Variants in ZFPM2 observed in about 807,000 individuals in gnomAD.
ZFPM2 encodes zinc finger protein ZFPM2.
ZFPM2 carries 20 observed loss-of-function variants against 98.6 expected under a neutral mutation model. The observed-to-expected ratio is 0.20, with a 90% CI of 0.14 to 0.29. ZFPM2 has a LOEUF of 0.29. Ranked by LOEUF, ZFPM2 falls within the 10% of genes least tolerant of loss-of-function variation. The pLI, the probability that ZFPM2 is intolerant of heterozygous loss-of-function variation, is 1.00. For synonymous variants in ZFPM2, 518 were observed against 502.7 expected (o/e 1.03, Z -0.41); for missense variants, 1,310 against 1,388.6 (o/e 0.94, Z 0.90).
At chr8:105,704,906 C>A (rs145448338) in intron 5 of ZFPM2, among the ~76,000 whole-genome samples, 1 of 152,286 alleles carries the variant, frequency 6.6e-6, no homozygotes, top group African/African-American at 2.4e-5. Context: ...AAGTTAAATT[C>A]TCCTCTAGTC....
At chr8:105,538,882 G>C (rs1260026346) in intron 3 of ZFPM2, among the ~76,000 whole-genome samples, 1 of 152,088 alleles carries the variant, frequency 6.6e-6, no homozygotes, top group African/African-American at 2.4e-5. Flanking sequence ...AGGTATGCTA[G>C]TGAGCACCTG....
chr8:105,371,236 T>C (rs189865037), intron 1 of ZFPM2, among the ~76,000 whole-genome samples: 19 of 152,282 alleles, frequency 1.2e-4, no homozygotes, highest in African/African-American at 4.3e-4. Context: ...AACAAAATTG[T>C]ATAACGAGGA....
chr8:105,742,330 A>C (rs770948253), intron 5 of ZFPM2, among the ~76,000 whole-genome samples: 7 of 149,918 alleles, frequency 4.7e-5, no homozygotes, highest in Non-Finnish European at 1.0e-4. Context: ...CTGAACTATG[A>C]TCATACCATT....
intron 4 of ZFPM2, among the ~76,000 whole-genome samples, chr8:105,622,137 AAAAT>A (rs899609464): frequency 8.5e-5 from 13 of 152,134 alleles, no homozygotes; most frequent in African/African-American, 3.1e-4. Flanking sequence ...TTATCTGGCA[AAAAT>A]AAATAAATAA....
intron 4 of ZFPM2, among the ~76,000 whole-genome samples, chr8:105,574,311 GA>G (rs1815417370): frequency 6.6e-6 from 1 of 152,172 alleles, no homozygotes; most frequent in Non-Finnish European, 1.5e-5. Flanking sequence ...CACCATAGAG[GA>G]AAAACACATA....
At chr8:105,588,587 T>A (rs1210490051) in intron 4 of ZFPM2, among the ~76,000 whole-genome samples, 1 of 152,232 alleles carries the variant, frequency 6.6e-6, no homozygotes, top group Non-Finnish European at 1.5e-5. Context: ...GAGCCACTGC[T>A]CTGTGGGGTA....
intron 3 of ZFPM2, among the ~76,000 whole-genome samples, chr8:105,465,153 G>A (rs1291161985): frequency 6.6e-6 from 1 of 151,834 alleles, no homozygotes; most frequent in Non-Finnish European, 1.5e-5. Context: ...AAAAATTGTG[G>A]AAGATACATT....
At chr8:105,394,791 G>A (rs768080679) in intron 1 of ZFPM2, among the ~76,000 whole-genome samples, 11 of 152,102 alleles carry the variant, frequency 7.2e-5, no homozygotes, top group Non-Finnish European at 1.6e-4. Flanking sequence ...TAAAGGGTGC[G>A]TCATTAAATG....
chr8:105,403,992 A>AAACAACAACAACAACAAC (rs58138715), intron 1 of ZFPM2, among the ~76,000 whole-genome samples: 3 of 147,622 alleles, frequency 2.0e-5, no homozygotes, highest in Admixed American at 6.8e-5. Context: ...ATTGGTGTTA[A>AAACAACAACAACAACAAC]AACAACAACA....
chr8:105,534,298 C>T (rs1489443146), intron 3 of ZFPM2, among the ~76,000 whole-genome samples: 8 of 89,798 alleles, frequency 8.9e-5, no homozygotes, highest in South Asian at 4.8e-4. Context: ...CTCCTTTCTT[C>T]CTTCCTTCCT....
At chr8:105,783,645 G>T (rs1167231015) in intron 5 of ZFPM2, among the ~76,000 whole-genome samples, 2 of 152,128 alleles carry the variant, frequency 1.3e-5, no homozygotes, top group Admixed American at 1.3e-4. Context: ...TACACTGTTT[G>T]TCTTTTTGTG....
chr8:105,359,367 C>CTTTTTTTTTT (rs111675257), intron 1 of ZFPM2, among the ~76,000 whole-genome samples: 45 of 135,308 alleles, frequency 3.3e-4, no homozygotes, highest in Non-Finnish European at 5.0e-4. Flanking sequence ...CTTTTTCTTT[C>CTTTTTTTTTT]TTTTTTTTTT....
At chr8:105,505,414 G>A (rs1051105670) in intron 3 of ZFPM2, among the ~76,000 whole-genome samples, 1 of 152,080 alleles carries the variant, frequency 6.6e-6, no homozygotes, top group Admixed American at 6.6e-5. Context: ...AGGGGAATGC[G>A]TCAGTCATTT....
intron 4 of ZFPM2, among the ~76,000 whole-genome samples, chr8:105,596,319 C>G (rs1234353664): frequency 1.3e-5 from 2 of 151,922 alleles, no homozygotes; most frequent in Admixed American, 6.6e-5. Flanking sequence ...AGTTTTCTTT[C>G]ATTTTCTTTT....
chr8:105,524,605 A>T (rs1814133354), intron 3 of ZFPM2, among the ~76,000 whole-genome samples: 1 of 152,170 alleles, frequency 6.6e-6, no homozygotes, highest in Non-Finnish European at 1.5e-5. Context: ...GCAAAGTCAG[A>T]AAAAGAGTCT....
intron 5 of ZFPM2, among the ~76,000 whole-genome samples, chr8:105,772,717 A>G (rs541729748): frequency 1.3e-3 from 192 of 152,322 alleles, no homozygotes; most frequent in Non-Finnish European, 2.3e-3. Flanking sequence ...GATGCAGGTT[A>G]TGAATCCATT....
At chr8:105,690,092 C>CTAG (rs1810842295) in intron 5 of ZFPM2, among the ~76,000 whole-genome samples, 1 of 152,182 alleles carries the variant, frequency 6.6e-6, no homozygotes, top group African/African-American at 2.4e-5. Context: ...TAGCCTTGAA[C>CTAG]TAGTGTTGCA....
Position 105,801,548 on chromosome 8 carries a change from G to A in ZFPM2, c.1466G>A (p.Gly489Glu). 1 of 1,613,736 alleles carries A rather than the reference G, an allele frequency of 6.2e-7. No individual in the cohort carries two copies. Residue 489 changes from glycine to glutamate, a missense_variant, in exon 8 of 8, where the codon GGG (glycine) becomes GAG (glutamate). Physicochemically the swap from Gly to Glu is moderately conservative, Grantham distance 98. Transcript: ENST00000407775. Reference protein sequence around the residue: ...LASSPVQPNIGPSFPVGPFLS... With the variant: ...LASSPVQPNIEPSFPVGPFLS... ...TCATCTCCAGTTCAGCCTAATATTG[G>A]GCCTTCTTTCCCTGTGGGCCCTTTC...
chr8:105,537,163 C>T (rs928805418), intron 3 of ZFPM2, among the ~76,000 whole-genome samples: 4 of 152,004 alleles, frequency 2.6e-5, no homozygotes, highest in Non-Finnish European at 1.5e-5. Flanking sequence ...GAGTCTTAAT[C>T]CAGTTGACCC....
Sources: allele counts gnomAD v4.1 joint callset (sites outside exome capture counted in the v4.1 genomes callset), GRCh38; gene constraint gnomAD v4.1.1; transcripts MANE v1.5; gene names NCBI Gene and HGNC (gene_info 2026-07-23, HGNC 2026-07-21).